The following PTPRN2 variants were observed in gnomAD, a reference collection of about 807,000 sequenced individuals.
PTPRN2 encodes protein tyrosine phosphatase receptor type N2.
Under a neutral mutation model 118.8 loss-of-function variants are expected in PTPRN2, and 74 were observed. The ratio of observed to expected loss-of-function variants is 0.62; its 90% CI spans 0.52 to 0.76. The LOEUF (loss-of-function observed/expected upper bound fraction) is 0.76, where lower values mean the gene tolerates loss of function less well. Among genes scored for constraint, PTPRN2 ranks in the 30% least tolerant of loss-of-function variants. The pLI, the probability that PTPRN2 is intolerant of heterozygous loss-of-function variation, is 0.00. For missense variants in PTPRN2, 1,481 were observed against 1,394.4 expected (o/e 1.06, Z -0.99); for synonymous variants, 641 against 608.0 (o/e 1.05, Z -0.80).
At chr7:158,535,926 G>C (rs1417514626) in intron 1 of PTPRN2, among the ~76,000 whole-genome samples, 1 of 146,970 alleles carries the variant, frequency 6.8e-6, no homozygotes, top group African/African-American at 2.5e-5. Context: ...TAATCTAAAA[G>C]TCTGGTTCCA....
intron 9 of PTPRN2, among the ~76,000 whole-genome samples, chr7:158,118,487 G>C (rs537329112): frequency 3.9e-5 from 6 of 152,130 alleles, no homozygotes; most frequent in Non-Finnish European, 7.4e-5. Flanking sequence ...AAAATGAGTG[G>C]CAAAAAATCC....
chr7:158,301,796 G>A (rs1419595223), intron 3 of PTPRN2, among the ~76,000 whole-genome samples: 2 of 152,012 alleles, frequency 1.3e-5, no homozygotes, highest in Non-Finnish European at 2.9e-5. Flanking sequence ...CAAAAAATAC[G>A]AAAATTAGCT....
Position 158,526,897 on chromosome 7 carries a change from G to T in PTPRN2, c.113-37112C>A, listed in dbSNP as rs991696051. On this transcript the variant is annotated intron_variant, in intron 1 of 22. Transcript: ENST00000389418. This position sits in a 1 kb window ranked among gnomAD's most constrained non-coding sequence, Gnocchi z 5.2. ...TTGCTAAGCCGCCTGGTTTGTGGGG[G>T]TTTGTTAGGGAGACTGAGCCAATTC... Among the ~76,000 whole-genome samples, 1 of 152,116 alleles carries T rather than the reference G, an allele frequency of 6.6e-6. No homozygotes were observed. The highest frequency in any genetic ancestry group is 2.1e-4 in the South Asian group (1 of 4,832).
At chr7:158,372,210 A>G (rs1810063474) in intron 2 of PTPRN2, among the ~76,000 whole-genome samples, 2 of 148,246 alleles carry the variant, frequency 1.3e-5, no homozygotes, top group South Asian at 4.4e-4. Flanking sequence ...TGGTCCCCGG[A>G]GCTGGACACC....
intron 10 of PTPRN2, among the ~76,000 whole-genome samples, chr7:158,110,263 T>C (rs1816114718): frequency 1.3e-5 from 2 of 152,218 alleles, no homozygotes; most frequent in Admixed American, 6.5e-5. Flanking sequence ...GCATGGTTCC[T>C]CAAGCACTTG....
At chr7:157,724,967 G>T (rs1799444356) in intron 12 of PTPRN2, among the ~76,000 whole-genome samples, 1 of 152,210 alleles carries the variant, frequency 6.6e-6, no homozygotes, top group Non-Finnish European at 1.5e-5. Flanking sequence ...ATATTTTAAA[G>T]ATAATATTAA....
At chr7:158,146,010 T>G (rs138734090) in intron 6 of PTPRN2, among the ~76,000 whole-genome samples, 1 of 152,144 alleles carries the variant, frequency 6.6e-6, no homozygotes, top group African/African-American at 2.4e-5. Flanking sequence ...AAATTATAAC[T>G]ATTATCATGA....
chr7:158,051,159 C>T (rs1166155713), intron 11 of PTPRN2, among the ~76,000 whole-genome samples: 10 of 152,218 alleles, frequency 6.6e-5, no homozygotes, highest in Admixed American at 6.5e-4. Context: ...ACTATGTTGT[C>T]CCCAAGGGCC....
chr7:158,262,699 C>A (rs1387111382), intron 3 of PTPRN2, among the ~76,000 whole-genome samples: 1 of 150,220 alleles, frequency 6.7e-6, no homozygotes, highest in Non-Finnish European at 1.5e-5. Context: ...TTCACACACA[C>A]TGCACAGATT....
chr7:158,448,160 G>A (rs145111926), intron 2 of PTPRN2, among the ~76,000 whole-genome samples: 95 of 152,334 alleles, frequency 6.2e-4, no homozygotes, highest in African/African-American at 1.8e-3. Context: ...AGGCCAGGTC[G>A]GCAACAACAT....
chr7:158,133,729 C>T lies in PTPRN2; in HGVS notation c.1504G>A (p.Glu502Lys). 6.2e-7 allele frequency: 1 copy of T among 1,611,996 alleles called. No individual in the cohort carries two copies. Residue 502 changes from glutamate to lysine, a missense_variant, in exon 9 of 23, where the codon GAG (glutamate) becomes AAG (lysine). Glu to Lys is a moderately conservative substitution (Grantham distance 56, BLOSUM62 1). Transcript: ENST00000389418. Reference protein sequence around the residue: ...QEALSDGLQLEVQPSEEEARG... With the variant: ...QEALSDGLQLKVQPSEEEARG... Reference sequence around the variant, plus strand: ...GCCTCTTCCTCGGAAGGCTGGACCTCCAATTGCAGGCCGTCGCTGAGGGCC... The same window carrying T: ...GCCTCTTCCTCGGAAGGCTGGACCTTCAATTGCAGGCCGTCGCTGAGGGCC...
At chr7:158,055,564 C>G (rs1300486554) in intron 11 of PTPRN2, among the ~76,000 whole-genome samples, 1 of 152,200 alleles carries the variant, frequency 6.6e-6, no homozygotes, top group African/African-American at 2.4e-5. Flanking sequence ...CCTTCATGTT[C>G]CATCCTGTAC....
chr7:158,050,346 G>A (rs930380082), intron 11 of PTPRN2, among the ~76,000 whole-genome samples: 11 of 152,296 alleles, frequency 7.2e-5, no homozygotes, highest in African/African-American at 2.4e-4. Flanking sequence ...TATCTTGGGT[G>A]CAATTTTCCT....
chr7:158,494,295 G>A (rs192103279), intron 1 of PTPRN2, among the ~76,000 whole-genome samples: 1 of 152,370 alleles, frequency 6.6e-6, no homozygotes, highest in East Asian at 1.9e-4. Context: ...CATGGCCCCT[G>A]CCCAACCCTG....
intron 11 of PTPRN2, among the ~76,000 whole-genome samples, chr7:157,908,307 T>A (rs1225654173): frequency 6.6e-6 from 1 of 152,370 alleles, no homozygotes; most frequent in Non-Finnish European, 1.5e-5. Flanking sequence ...CCTCCACCCC[T>A]GCAGCCTGCA....
intron 2 of PTPRN2, among the ~76,000 whole-genome samples, chr7:158,390,206 G>A (rs535095313): frequency 4.6e-5 from 7 of 152,146 alleles, no homozygotes; most frequent in Middle Eastern, 3.4e-3. Flanking sequence ...GCCCTGGGCC[G>A]TGTCCTCCCA....
intron 13 of PTPRN2, among the ~76,000 whole-genome samples, chr7:157,657,651 TAC>T (rs1199447611): frequency 5.1e-4 from 27 of 53,058 alleles, no homozygotes; most frequent in African/African-American, 1.9e-3. Context: ...ATCACACATA[TAC>T]ACACACATAC....
At chr7:157,799,115 T>C (rs1331305545) in intron 12 of PTPRN2, among the ~76,000 whole-genome samples, 3 of 152,138 alleles carry the variant, frequency 2.0e-5, no homozygotes, top group Non-Finnish European at 4.4e-5. Context: ...GAGGTAGTGG[T>C]TGCAGCTGGG....
Position 157,962,881 on chromosome 7 carries a change from T to G in PTPRN2, c.1724-64144A>C, listed in dbSNP as rs533221902. Among the ~76,000 whole-genome samples the G allele has an allele frequency of 2.0e-5, 3 of 152,318 alleles. No individual in the cohort carries two copies. In the East Asian group the frequency reaches 5.8e-4, roughly 29 times the overall value. On this transcript the variant is annotated intron_variant, in intron 11 of 22. Transcript: ENST00000389418. ...TGGCATTCTTGGTTCCATTCCCCACTATTTGGATAACCTTGAGCAAGGTAG... is the reference window on the plus strand; with the variant it reads ...TGGCATTCTTGGTTCCATTCCCCACGATTTGGATAACCTTGAGCAAGGTAG...
Sources: gnomAD v4.1 joint callset for allele counts (sites outside exome capture counted in the v4.1 genomes callset) on GRCh38, gnomAD v4.1.1 for gene constraint, Gnocchi (gnomAD v3.1) non-coding constraint, MANE v1.5 for transcripts, NCBI Gene and HGNC (gene_info 2026-07-23, HGNC 2026-07-21) for gene names.